PALM2AKAP2: variants seen among roughly 807,000 people sequenced by gnomAD.
The protein encoded by PALM2AKAP2 is PALM2 and AKAP2 fusion.
In PALM2AKAP2, 37 loss-of-function variants were observed where a neutral mutation model predicts 71.5. The ratio of observed to expected loss-of-function variants is 0.52; its 90% CI spans 0.40 to 0.68. PALM2AKAP2 has a LOEUF of 0.68. Ranked by LOEUF, PALM2AKAP2 falls within the 30% of genes least tolerant of loss-of-function variation. The pLI is 0.00. For synonymous variants in PALM2AKAP2, 468 were observed against 478.8 expected (o/e 0.98, Z 0.29); for missense variants, 1,224 against 1,191.8 (o/e 1.03, Z -0.40).
rs1455080004 is a variant in PALM2AKAP2 at position 110,035,477 on chromosome 9, T to C, written c.582+19438T>C. Among the ~76,000 whole-genome samples, 6 of 144,410 alleles carry C rather than the reference T, an allele frequency of 4.2e-5. No homozygotes were observed. In the East Asian group the frequency reaches 1.2e-3, roughly 29 times the overall value. 94.7% of individuals were successfully genotyped at this position (144,410 alleles called of 152,430 possible). A position where few individuals can be genotyped will look rare whatever the true frequency, so the allele number is the denominator to read the frequency against. ...CAGATATATGTATATATATGATATG[T>C]TGTGTGTTATATATAACATATATAT... On this transcript the variant is annotated intron_variant, in intron 7 of 9. Coordinates refer to the PALM2AKAP2 transcript ENST00000302798.
intron 1 of PALM2AKAP2, among the ~76,000 whole-genome samples, chr9:109,754,055 A>G (rs940967255): frequency 6.6e-6 from 1 of 152,170 alleles, no homozygotes; most frequent in Admixed American, 6.5e-5. Flanking sequence ...TACTCTGCAC[A>G]TTGCTTCCTC....
chr9:110,016,030 G>C, exon 7 of PALM2AKAP2: 3 of 1,613,552 alleles, frequency 1.9e-6, no homozygotes, highest in Non-Finnish European at 2.5e-6. Flanking sequence ...GCCCAGACAT[G>C]ACTATCAAGG....
intron 7 of PALM2AKAP2, among the ~76,000 whole-genome samples, chr9:110,017,864 A>T (rs1833008538): frequency 6.6e-6 from 1 of 151,680 alleles, no homozygotes; most frequent in South Asian, 2.1e-4. Context: ...AGTAGCTGGG[A>T]CTACAGGTGC....
chr9:109,768,409 G>A (rs1396086694), intron 1 of PALM2AKAP2, among the ~76,000 whole-genome samples: 1 of 152,042 alleles, frequency 6.6e-6, no homozygotes, highest in East Asian at 1.9e-4. Flanking sequence ...ATATGTATGG[G>A]ATTTATGTGA....
At chr9:109,805,042 A>G (rs1209665452) in intron 1 of PALM2AKAP2, among the ~76,000 whole-genome samples, 1 of 152,242 alleles carries the variant, frequency 6.6e-6, no homozygotes, top group African/African-American at 2.4e-5. Flanking sequence ...CTTCATAAAC[A>G]TAATTTTAAT....
upstream of PALM2AKAP2, among the ~76,000 whole-genome samples, chr9:110,044,510 C>T (rs1402506560): frequency 6.6e-6 from 1 of 151,514 alleles, no homozygotes; most frequent in Non-Finnish European, 1.5e-5. Flanking sequence ...TGTCACCACA[C>T]CCAGCTAATT....
In PALM2AKAP2 at chr9:109,804,310, T is replaced by G. The variant is rs1827517188; in HGVS notation, c.45+23777T>G. On this transcript the variant is annotated intron_variant, in intron 1 of 9. Coordinates refer to the PALM2AKAP2 transcript ENST00000302798. ...GTCAAAAATAATATCATCTGTATAC[T>G]TTGATTACATTTTAAATTCAGTTTG... Among the ~76,000 whole-genome samples the G allele has an allele frequency of 2.0e-5, 3 of 152,220 alleles. No homozygotes were observed. The South Asian group carries it at 6.2e-4, about 32-fold the overall frequency.
intron 7 of PALM2AKAP2, among the ~76,000 whole-genome samples, chr9:110,031,144 A>T (rs1266656723): frequency 6.6e-6 from 1 of 152,078 alleles, no homozygotes; most frequent in African/African-American, 2.4e-5. Context: ...GTTTTTTGAG[A>T]CAGGGTCTCA....
At chr9:110,050,369 A>G (rs1038445033) in intron 1 of PALM2AKAP2, among the ~76,000 whole-genome samples, 3 of 152,062 alleles carry the variant, frequency 2.0e-5, no homozygotes, top group African/African-American at 7.2e-5. Context: ...TAAGCATCAC[A>G]CTTTTCTTTC....
At chr9:110,159,187 A>G (rs531405239) in intron 3 of PALM2AKAP2, among the ~76,000 whole-genome samples, 8 of 152,322 alleles carry the variant, frequency 5.3e-5, no homozygotes, top group African/African-American at 1.7e-4. Flanking sequence ...CCGTAGAAGC[A>G]TAAAGTTAAT....
intron 1 of PALM2AKAP2, among the ~76,000 whole-genome samples, chr9:109,848,847 G>A (rs1047576440): frequency 6.6e-6 from 1 of 151,710 alleles, no homozygotes; most frequent in African/African-American, 2.4e-5. Flanking sequence ...TGAGCCCATG[G>A]GGTCGAGGCT....
chr9:109,776,855 C>CT (rs552231336), upstream of PALM2AKAP2, among the ~76,000 whole-genome samples: 53 of 152,306 alleles, frequency 3.5e-4, 1 homozygote, highest in East Asian at 8.9e-3. Context: ...TAAACACAAG[C>CT]TTTTTTTATT....
At chr9:109,795,633 T>C (rs12377510) in intron 1 of PALM2AKAP2, among the ~76,000 whole-genome samples, 43,455 of 152,084 alleles carry the variant, frequency 0.29, 7,105 homozygotes, top group African/African-American at 0.44. Context: ...GAAAGGACAT[T>C]AAGACAGATT....
At chr9:109,767,867 G>A (rs956213487) in intron 1 of PALM2AKAP2, among the ~76,000 whole-genome samples, 1 of 120,232 alleles carries the variant, frequency 8.3e-6, no homozygotes, top group African/African-American at 2.7e-5. Context: ...TCTAGCACAT[G>A]GGACAATGCC....
intron 6 of PALM2AKAP2, among the ~76,000 whole-genome samples, chr9:109,970,109 C>A (rs1832037566): frequency 6.6e-6 from 1 of 152,156 alleles, no homozygotes; most frequent in Non-Finnish European, 1.5e-5. Flanking sequence ...TCCCTGAGAA[C>A]AATGTCCCTC....
rs140841730 is a variant in PALM2AKAP2, at chr9:109,856,633, C to A, written c.46-10858C>A. ...GGATGGTGTGAATTTTTCTACCCTGCATGTTTATTACTTTTATTTATGTTT... is the reference window on the plus strand; with the variant it reads ...GGATGGTGTGAATTTTTCTACCCTGAATGTTTATTACTTTTATTTATGTTT... On this transcript the variant is annotated intron_variant, in intron 1 of 9. Transcript: ENST00000302798. 2.9e-4 allele frequency among the ~76,000 whole-genome samples: 44 copies of A among 152,260 alleles called. No individual in the cohort carries two copies. In the East Asian group the frequency reaches 8.5e-3, roughly 29 times the overall value.
chr9:110,003,885 G>A (rs1280788974), intron 6 of PALM2AKAP2, among the ~76,000 whole-genome samples: 2 of 152,080 alleles, frequency 1.3e-5, no homozygotes, highest in Non-Finnish European at 2.9e-5. Flanking sequence ...TTCCTTGGTA[G>A]ATCTTCCCCC....
At chr9:110,145,418 A>G (rs1836140259) in intron 2 of PALM2AKAP2, among the ~76,000 whole-genome samples, 1 of 152,188 alleles carries the variant, frequency 6.6e-6, no homozygotes, top group Non-Finnish European at 1.5e-5. Flanking sequence ...TTTACTCCAG[A>G]AACAGGTTCA....
intron 1 of PALM2AKAP2, among the ~76,000 whole-genome samples, chr9:109,714,672 A>G (rs1266836453): frequency 6.6e-6 from 1 of 152,182 alleles, no homozygotes; most frequent in Non-Finnish European, 1.5e-5. Flanking sequence ...CCATGTATTG[A>G]ACACCAGTAG....
Sources: gnomAD v4.1 joint callset for allele counts (sites outside exome capture counted in the v4.1 genomes callset) on GRCh38, gnomAD v4.1.1 for gene constraint, MANE v1.5 for transcripts, NCBI Gene and HGNC (gene_info 2026-07-23, HGNC 2026-07-21) for gene names.